The following MNT variants were observed in gnomAD, a reference collection of about 807,000 sequenced individuals.
The protein encoded by MNT is max-binding protein MNT.
MNT carries 13 observed loss-of-function variants against 40.7 expected under a neutral mutation model. The observed-to-expected ratio is 0.32, with a 90% confidence interval of 0.21 to 0.51. MNT has a LOEUF of 0.51. MNT is among the 20% of genes least tolerant of loss of function. The pLI is 0.98. For synonymous variants in MNT, 426 were observed against 354.8 expected, an observed-to-expected ratio of 1.20 and a Z score of -2.26; for missense variants, 757 against 792.0, an observed-to-expected ratio of 0.96 and a Z score of 0.53.
intron 4 of MNT, chr17:2,392,809 C>G (rs2066531778): frequency 6.6e-6 from 1 of 151,914 alleles, no homozygotes; most frequent in Non-Finnish European, 1.5e-5. Flanking sequence ...GGCCCCGCCC[C>G]TCCCGGCTGC....
chr17:2,393,497 C>T (rs1161792262), intron 4 of MNT, among the ~76,000 whole-genome samples: 2 of 152,218 alleles, frequency 1.3e-5, no homozygotes, highest in Non-Finnish European at 2.9e-5. Context: ...CCGCCCCAGG[C>T]GTAACCCCAC....
chr17:2,396,111 C>G lies in MNT; in HGVS notation c.74-657G>C, dbSNP rs1334026262. On this transcript the variant is annotated intron_variant, in intron 1 of 5. Transcript: ENST00000174618. ...AAGGAAGTGCTGACAGTCCCTGGAT[C>G]CTCACAAGAGCCCCACGTCACATCA... 2.0e-5 allele frequency among the ~76,000 whole-genome samples: 3 copies of G among 150,738 alleles called. No individual in the cohort carries two copies. The East Asian group carries it at 5.9e-4, about 30-fold the overall frequency.
chr17:2,397,958 C>T (rs1009015466), intron 1 of MNT, among the ~76,000 whole-genome samples: 2 of 152,244 alleles, frequency 1.3e-5, no homozygotes, highest in African/African-American at 2.4e-5. Context: ...ACCCAGGGGC[C>T]AAGGCTTCCG....
intron 1 of MNT, among the ~76,000 whole-genome samples, chr17:2,397,136 C>T (rs1345591579): frequency 6.6e-6 from 1 of 152,204 alleles, no homozygotes; most frequent in Non-Finnish European, 1.5e-5. Context: ...GCCAGCGGGC[C>T]TCTTCCAGAT....
At chr17:2,396,995 T>A (rs2066582727) in intron 1 of MNT, 1 of 151,948 alleles carries the variant, frequency 6.6e-6, no homozygotes, top group Non-Finnish European at 1.5e-5. Flanking sequence ...ACAACTGGAG[T>A]GTGAGCCAGG....
rs1411394418 is a variant in MNT, at chr17:2,386,333, G to C, written c.*568C>G. 1 of 152,408 alleles carries C rather than the reference G, an allele frequency of 6.6e-6. No individual in the cohort carries two copies. Among genetic ancestry groups the C allele is most frequent in the Non-Finnish European group, 1.5e-5 (1 of 68,226 alleles). 9.4% of individuals were successfully genotyped at this position (152,408 alleles called of 1,614,324 possible). Reference sequence around the variant, plus strand: ...CCCCAGGCTGAGGCCCCACCTGTCCGGGTGGGACTCCAGACCAGCCACTTC... The same window carrying C: ...CCCCAGGCTGAGGCCCCACCTGTCCCGGTGGGACTCCAGACCAGCCACTTC... On this transcript the variant is annotated 3_prime_UTR_variant, in exon 6 of 6. Coordinates refer to ENST00000174618, the MANE Select transcript of MNT (RefSeq NM_020310.3).
intron 1 of MNT, 151 bp from the exon 2 acceptor site, chr17:2,395,605 C>T (rs1034474478): frequency 1.6e-5 from 22 of 1,405,106 alleles, no homozygotes; most frequent in South Asian, 1.1e-4. Context: ...CAGCCAGGCA[C>T]GGGGGAAAGT....
intron 1 of MNT, 39 bp from the exon 2 acceptor site, chr17:2,395,493 G>A (rs1302294289): frequency 2.5e-6 from 4 of 1,604,528 alleles, no homozygotes; most frequent in Admixed American, 3.3e-5. Context: ...GGTCTCAGCG[G>A]GGCCCCAGAA....
intron 1 of MNT, among the ~76,000 whole-genome samples, chr17:2,398,579 C>T (rs1412137895): frequency 2.0e-5 from 3 of 152,246 alleles, no homozygotes; most frequent in Non-Finnish European, 4.4e-5. Flanking sequence ...GACACCCGTA[C>T]ATGAGTTTTT....
intron 1 of MNT, among the ~76,000 whole-genome samples, chr17:2,397,005 G>T (rs2066582797): frequency 6.6e-6 from 1 of 152,244 alleles, no homozygotes; most frequent in African/African-American, 2.4e-5. Flanking sequence ...TGTGAGCCAG[G>T]CCTGCTCCCA....
At chr17:2,394,488 GCCATGCTGCGC>G (rs2066558978) in intron 2 of MNT, 142 bp from the exon 3 acceptor site, 1 of 1,197,076 alleles carries the variant, frequency 8.4e-7, no homozygotes, top group Non-Finnish European at 1.2e-6. Flanking sequence ...TTCGCCCTGT[GCCATGCTGCGC>G]CCACCCCCTG....
At chr17:2,389,299 G>C (rs1228348982) in intron 4 of MNT, 1 of 151,622 alleles carries the variant, frequency 6.6e-6, no homozygotes, top group African/African-American at 2.4e-5. Context: ...TTTTCCAACA[G>C]AGTTTCGCTC....
In MNT at chr17:2,397,945, G is replaced by A. The variant is rs567827143; in HGVS notation, c.74-2491C>T. Among the ~76,000 whole-genome samples, 4 of 152,392 alleles carry A rather than the reference G, an allele frequency of 2.6e-5. No homozygotes were observed. The South Asian group carries it at 8.3e-4, about 32-fold the overall frequency. ...AAAGAATTTAGCATGCCCCTCTGCAGTGACCCAGGGGCCAAGGCTTCCGCC... is the reference window on the plus strand; with the variant it reads ...AAAGAATTTAGCATGCCCCTCTGCAATGACCCAGGGGCCAAGGCTTCCGCC... On this transcript the variant is annotated intron_variant, in intron 1 of 5. Coordinates refer to ENST00000174618, the MANE Select transcript of MNT (RefSeq NM_020310.3).
rs1357841174 is a variant in MNT, at chr17:2,384,234, T to C, written c.*2667A>G. 7.9e-5 allele frequency: 12 copies of C among 151,014 alleles called. No individual in the cohort carries two copies. In the Admixed American group the frequency reaches 8.0e-4, roughly 10 times the overall value. The allele number at this position is 151,014 out of a possible 1,614,324, so 9.4% of individuals were successfully genotyped here. ...TACAGTATGTACAAAATTAGGGTTT[T>C]TGTAGTTTTTTTTTTTTTCCACACA... On this transcript the variant is annotated 3_prime_UTR_variant, in exon 6 of 6. Transcript: ENST00000174618.
In MNT at chr17:2,386,453, C is replaced by T; in HGVS notation, c.*448G>A. The T allele has an allele frequency of 6.0e-6, 1 of 166,594 alleles. No homozygotes were observed. The highest frequency in any genetic ancestry group is 1.3e-5 in the Non-Finnish European group (1 of 77,940). 10.3% of individuals were successfully genotyped at this position (166,594 alleles called of 1,614,324 possible). On this transcript the variant is annotated 3_prime_UTR_variant, in exon 6 of 6. Coordinates refer to ENST00000174618, the MANE Select transcript of MNT (RefSeq NM_020310.3). The stretch of plus-strand genomic sequence containing the variant: ...GGCTTCAGTTCTGCTTTCCCCATTT[C>T]CCCTCCAAAGGCCTGGGAAGAGAAC...
At chr17:2,393,995 G>C in intron 4 of MNT, 48 bp downstream of exon 4, 1 of 1,380,080 alleles carries the variant, frequency 7.2e-7, no homozygotes, top group Non-Finnish European at 9.9e-7. Context: ...AGGGGCGGCG[G>C]AGGGAGGGCG....
chr17:2,395,101 C>T lies in MNT; in HGVS notation c.427G>A (p.Val143Met). The T allele has an allele frequency of 2.0e-6, 3 of 1,499,062 alleles. No homozygotes were observed. Among genetic ancestry groups the T allele is most frequent in the Non-Finnish European group, 2.7e-6 (3 of 1,125,344 alleles). The allele number at this position is 1,499,062 out of a possible 1,614,324, so 92.9% of individuals were successfully genotyped here. A position where few individuals can be genotyped will look rare whatever the true frequency, so the allele number is the denominator to read the frequency against. Reference sequence around the variant, plus strand: ...GGCAGTAGGGGAGCAGGGGTGGGCACCTGCGGCCTGCTGGGCAGGGGGGCA... The same window carrying T: ...GGCAGTAGGGGAGCAGGGGTGGGCATCTGCGGCCTGCTGGGCAGGGGGGCA... ...EPAPLPSRPQ[V>M]PTPAPLLPDS... The change falls in exon 2 of 6, where the codon GTG becomes ATG. Residue 143 changes from valine to methionine, a missense_variant. By Grantham distance (21) the Val-to-Met change is conservative. Around this residue, in one of 4 missense-constraint regions of MNT, gnomAD observed 335 missense variants for 291.4 expected, o/e 1.15. Transcript: ENST00000174618.
intron 4 of MNT, among the ~76,000 whole-genome samples, chr17:2,392,525 TGTC>T (rs1380958272): frequency 1.3e-5 from 2 of 152,216 alleles, no homozygotes; most frequent in Non-Finnish European, 2.9e-5. Flanking sequence ...GCTAAGCAAA[TGTC>T]GGGAGTGCAG....
intron 1 of MNT, 38 bp downstream of exon 1, chr17:2,400,602 C>T (rs941273973): frequency 6.4e-7 from 1 of 1,560,296 alleles, no homozygotes; most frequent in African/African-American, 1.4e-5. Context: ...CTCGCTTCCC[C>T]TTCCCCAGTG....
Sources: allele counts gnomAD v4.1 joint callset (sites outside exome capture counted in the v4.1 genomes callset), GRCh38; gene constraint gnomAD v4.1.1; regional missense constraint gnomAD v4.1.1; transcripts MANE v1.5; gene names NCBI Gene and HGNC (gene_info 2026-07-23, HGNC 2026-07-21).